Variants in CTNND2 observed in about 807,000 individuals in gnomAD.
CTNND2 encodes the protein catenin delta-2.
CTNND2 carries 22 observed loss-of-function variants against 144.4 expected under a neutral mutation model. The ratio of observed to expected loss-of-function variants is 0.15; its 90% CI spans 0.11 to 0.22. The LOEUF (loss-of-function observed/expected upper bound fraction) is 0.22. Among genes scored for constraint, CTNND2 ranks in the 10% least tolerant of loss-of-function variants. CTNND2 has a pLI of 1.00. For missense variants in CTNND2, 1,353 were observed against 1,618.8 expected, an observed-to-expected ratio of 0.84 and a Z score of 2.82; for synonymous variants, 751 against 695.6, an observed-to-expected ratio of 1.08 and a Z score of -1.25.
intron 8 of CTNND2, among the ~76,000 whole-genome samples, chr5:11,355,064 C>G (rs1004854691): frequency 6.6e-6 from 1 of 152,030 alleles, no homozygotes; most frequent in Non-Finnish European, 1.5e-5. Flanking sequence ...GGAAACACAT[C>G]CTACCAAAAC....
At chr5:11,810,994 A>T (rs903931816) in intron 1 of CTNND2, among the ~76,000 whole-genome samples, 2 of 152,148 alleles carry the variant, frequency 1.3e-5, no homozygotes, top group Non-Finnish European at 2.9e-5. Context: ...AGACATACTT[A>T]TTCCACATTA....
intron 9 of CTNND2, among the ~76,000 whole-genome samples, chr5:11,330,243 G>A (rs568280392): frequency 4.0e-5 from 6 of 150,678 alleles, no homozygotes; most frequent in Admixed American, 6.6e-5. Context: ...AGGCTGAGGC[G>A]GGCGGATCAC....
At chr5:11,155,462 G>T (rs1186563913) in intron 12 of CTNND2, among the ~76,000 whole-genome samples, 1 of 152,174 alleles carries the variant, frequency 6.6e-6, no homozygotes, top group African/African-American at 2.4e-5. Context: ...GTTAAAAATG[G>T]ATGCTTGAAT....
chr5:11,480,777 G>C lies in CTNND2; in HGVS notation c.288-68708C>G, dbSNP rs185655026. ...AGTTCAGTGTCTAGAAGGCAGGTAG[G>C]AAAAAGCGTTGATGTCAGGTGAGCT... is the stretch of plus-strand genomic sequence containing the variant. On this transcript the variant is annotated intron_variant, in intron 3 of 21. Coordinates refer to ENST00000304623, the MANE Select transcript of CTNND2 (RefSeq NM_001332.4). Among the ~76,000 whole-genome samples, 166 of 152,122 alleles carry C rather than the reference G, an allele frequency of 1.1e-3. 1 individual carries two copies. Among genetic ancestry groups the C allele is most frequent in the Non-Finnish European group, 1.8e-3 (125 of 67,984 alleles).
chr5:11,265,152 A>G (rs746690275), intron 9 of CTNND2, among the ~76,000 whole-genome samples: 1 of 152,224 alleles, frequency 6.6e-6, no homozygotes, highest in Non-Finnish European at 1.5e-5. Flanking sequence ...TATTAAATCA[A>G]AAAAACTGCC....
chr5:11,667,429 T>C (rs1783630756), intron 2 of CTNND2, among the ~76,000 whole-genome samples: 1 of 152,204 alleles, frequency 6.6e-6, no homozygotes, highest in Non-Finnish European at 1.5e-5. Flanking sequence ...CCAGTATCTG[T>C]TGTTTCCTGA....
chr5:11,640,388 CTG>C (rs1333880087), intron 2 of CTNND2, among the ~76,000 whole-genome samples: 1 of 152,212 alleles, frequency 6.6e-6, no homozygotes, highest in African/African-American at 2.4e-5. Context: ...CTTTGCAAAA[CTG>C]TGAACATTTC....
intron 9 of CTNND2, among the ~76,000 whole-genome samples, chr5:11,344,861 A>C (rs977362654): frequency 6.6e-6 from 1 of 152,238 alleles, no homozygotes; most frequent in Non-Finnish European, 1.5e-5. Flanking sequence ...ATTTAATAAA[A>C]TAAAATGCAT....
At chr5:11,358,078 T>C (rs1399824480) in intron 8 of CTNND2, among the ~76,000 whole-genome samples, 1 of 152,156 alleles carries the variant, frequency 6.6e-6, no homozygotes, top group East Asian at 1.9e-4. Context: ...TCAACATTGC[T>C]ACGCTTAATG....
intron 3 of CTNND2, among the ~76,000 whole-genome samples, chr5:11,432,135 T>TTA (rs1763358807): frequency 2.0e-5 from 3 of 150,732 alleles, no homozygotes; most frequent in African/African-American, 7.3e-5. Context: ...TTTTTTTTTT[T>TTA]TTTTTTAAGT....
At chr5:11,683,155 C>T (rs971599544) in intron 2 of CTNND2, among the ~76,000 whole-genome samples, 11 of 152,132 alleles carry the variant, frequency 7.2e-5, no homozygotes, top group Admixed American at 3.3e-4. Context: ...TAGTTTCTAA[C>T]GCATTTTACC....
chr5:11,457,948 G>GGCTCTGAAGTCT (rs1232440396), intron 3 of CTNND2, among the ~76,000 whole-genome samples: 15 of 152,104 alleles, frequency 9.9e-5, no homozygotes, highest in African/African-American at 3.4e-4. Flanking sequence ...TACTTGCATG[G>GGCTCTGAAGTCT]GCTCTGAAGT....
intron 2 of CTNND2, among the ~76,000 whole-genome samples, chr5:11,587,973 A>G (rs966087705): frequency 1.3e-5 from 2 of 151,970 alleles, no homozygotes; most frequent in African/African-American, 4.8e-5. Context: ...GCCATTGTAA[A>G]TTTTGGGCAA....
intron 2 of CTNND2, among the ~76,000 whole-genome samples, chr5:11,610,881 A>G (rs1780288623): frequency 6.6e-6 from 1 of 152,188 alleles, no homozygotes. Context: ...ATGAGAAGAT[A>G]TTATACTTTA....
intron 9 of CTNND2, among the ~76,000 whole-genome samples, chr5:11,333,493 C>T (rs192321840): frequency 7.9e-5 from 12 of 151,986 alleles, no homozygotes; most frequent in Admixed American, 2.0e-4. Flanking sequence ...TTTTTTATTT[C>T]GATAAGCAAA....
At chr5:11,792,408 C>A (rs1652932247) in intron 1 of CTNND2, among the ~76,000 whole-genome samples, 4 of 152,274 alleles carry the variant, frequency 2.6e-5, no homozygotes, top group African/African-American at 9.6e-5. Context: ...AGTTCTGAGG[C>A]TTATGTTTCG....
At chr5:11,219,787 C>T (rs993628257) in intron 10 of CTNND2, among the ~76,000 whole-genome samples, 1 of 152,204 alleles carries the variant, frequency 6.6e-6, no homozygotes, top group Non-Finnish European at 1.5e-5. Context: ...CCCCTCAGGA[C>T]ACCATGACTT....
intron 3 of CTNND2, among the ~76,000 whole-genome samples, chr5:11,551,764 A>G (rs980141783): frequency 6.6e-6 from 1 of 151,968 alleles, no homozygotes; most frequent in Non-Finnish European, 1.5e-5. Flanking sequence ...ACATCCAGCT[A>G]ATTTTTTTGT....
intron 2 of CTNND2, among the ~76,000 whole-genome samples, chr5:11,658,478 G>A (rs761204822): frequency 5.3e-5 from 8 of 152,104 alleles, no homozygotes; most frequent in Non-Finnish European, 1.0e-4. Context: ...ATGCAGTCAA[G>A]TCAAATTACT....
Sources: gnomAD v4.1 joint callset for allele counts (sites outside exome capture counted in the v4.1 genomes callset) on GRCh38, gnomAD v4.1.1 for gene constraint, MANE v1.5 for transcripts, NCBI Gene and HGNC (gene_info 2026-07-23, HGNC 2026-07-21) for gene names.